Variants in NRG1 observed in about 807,000 individuals in gnomAD.
The protein encoded by NRG1 is neuregulin 1.
Under a neutral mutation model 63.8 loss-of-function variants are expected in NRG1, and 18 were observed. The ratio of observed to expected loss-of-function variants is 0.28; its 90% CI spans 0.19 to 0.42. The LOEUF (loss-of-function observed/expected upper bound fraction) is 0.42, where lower values mean the gene tolerates loss of function less well. Ranked by LOEUF, NRG1 falls within the 10% of genes least tolerant of loss-of-function variation. NRG1 has a pLI of 1.00. For missense variants in NRG1, 762 were observed against 814.7 expected (o/e 0.94, Z 0.79); for synonymous variants, 302 against 301.3 (o/e 1.00, Z -0.02).
intron 7 of NRG1, chr8:32,743,270 AT>A: frequency 2.1e-6 from 2 of 964,474 alleles, no homozygotes; most frequent in Non-Finnish European, 2.5e-6. Context: ...GCATTGAGGC[AT>A]TTTTTTAAAA....
chr8:32,655,624 A>G (rs1427748025), intron 5 of NRG1, among the ~76,000 whole-genome samples: 2 of 152,138 alleles, frequency 1.3e-5, no homozygotes, highest in African/African-American at 4.8e-5. Context: ...GGTCTGTAGG[A>G]CTTTACTAAT....
chr8:32,738,687 G>A (rs1021532585), intron 6 of NRG1, among the ~76,000 whole-genome samples: 2 of 152,188 alleles, frequency 1.3e-5, no homozygotes, highest in Admixed American at 6.5e-5. Context: ...TAATTCCACA[G>A]AATTTCACAG....
intron 2 of NRG1, 68 bp from the exon 3 acceptor site, chr8:32,605,494 A>G: frequency 1.9e-6 from 3 of 1,577,302 alleles, no homozygotes; most frequent in Non-Finnish European, 2.6e-6. Context: ...AAGCATAGAA[A>G]AGTATGTATT....
intron 1 of NRG1, among the ~76,000 whole-genome samples, chr8:31,777,639 T>C (rs924584712): frequency 9.9e-5 from 15 of 152,164 alleles, no homozygotes; most frequent in African/African-American, 3.1e-4. Flanking sequence ...GGCTTGGAGG[T>C]CTGCAGGCTA....
intron 5 of NRG1, among the ~76,000 whole-genome samples, chr8:32,620,692 C>T (rs1315343254): frequency 6.6e-6 from 1 of 151,832 alleles, no homozygotes; most frequent in African/African-American, 2.4e-5. Context: ...GGCTTGGTGG[C>T]AGCCCTGAAG....
chr8:31,904,765 C>G (rs1391087953), intron 1 of NRG1, among the ~76,000 whole-genome samples: 1 of 152,106 alleles, frequency 6.6e-6, no homozygotes, highest in Non-Finnish European at 1.5e-5. Flanking sequence ...TCTAAGCAAA[C>G]TAACACTGAA....
At chr8:32,348,964 G>A (rs954549089) in intron 1 of NRG1, among the ~76,000 whole-genome samples, 1 of 152,324 alleles carries the variant, frequency 6.6e-6, no homozygotes, top group South Asian at 2.1e-4. Context: ...TCTTAGCAGA[G>A]TGCACTTAGT....
chr8:32,390,845 T>G (rs1224651204), intron 1 of NRG1, among the ~76,000 whole-genome samples: 2 of 151,960 alleles, frequency 1.3e-5, no homozygotes, highest in African/African-American at 4.8e-5. Flanking sequence ...TGGACCTGAC[T>G]AAGCACCAAG....
intron 1 of NRG1, among the ~76,000 whole-genome samples, chr8:32,377,851 G>T (rs917195109): frequency 1.3e-5 from 2 of 152,088 alleles, no homozygotes; most frequent in African/African-American, 4.8e-5. Flanking sequence ...GTCCCTCTTG[G>T]AATTACTTTT....
chr8:31,678,865 C>T (rs1368607510), intron 1 of NRG1, among the ~76,000 whole-genome samples: 2 of 149,724 alleles, frequency 1.3e-5, no homozygotes, highest in African/African-American at 2.4e-5. Context: ...AAGGATATTA[C>T]TTTGGTAGTA....
chr8:32,236,403 G>A (rs528763504), intron 1 of NRG1, among the ~76,000 whole-genome samples: 13 of 152,000 alleles, frequency 8.6e-5, no homozygotes, highest in African/African-American at 1.9e-4. Flanking sequence ...CTCTAGAAAC[G>A]TGAAAAATAA....
intron 1 of NRG1, among the ~76,000 whole-genome samples, chr8:31,766,994 G>C (rs1434231307): frequency 6.6e-6 from 1 of 152,102 alleles, no homozygotes; most frequent in Non-Finnish European, 1.5e-5. Context: ...TGTTTTCATG[G>C]GTGAAGAGAG....
intron 1 of NRG1, among the ~76,000 whole-genome samples, chr8:31,690,496 T>C (rs888905516): frequency 1.1e-4 from 16 of 152,264 alleles, no homozygotes; most frequent in Non-Finnish European, 2.4e-4. Context: ...ACTGATCAAG[T>C]AACAGCAGGA....
intron 1 of NRG1, among the ~76,000 whole-genome samples, chr8:32,482,578 C>A (rs371686087): frequency 1.2e-4 from 18 of 152,182 alleles, no homozygotes; most frequent in Admixed American, 6.5e-5. Context: ...TCCAACCTCA[C>A]TCCCTTCATT....
intron 1 of NRG1, among the ~76,000 whole-genome samples, chr8:32,184,658 C>T (rs1351175675): frequency 6.6e-6 from 1 of 151,894 alleles, no homozygotes; most frequent in Non-Finnish European, 1.5e-5. Context: ...GAGCTAAAGA[C>T]ATTTTCCTTA....
chr8:31,747,015 G>C (rs1815942894), intron 1 of NRG1, among the ~76,000 whole-genome samples: 1 of 151,928 alleles, frequency 6.6e-6, no homozygotes, highest in African/African-American at 2.4e-5. Context: ...GGCTGGGAAG[G>C]GTAGTGGGGG....
intron 1 of NRG1, among the ~76,000 whole-genome samples, chr8:32,213,860 G>C (rs745589832): frequency 6.6e-6 from 1 of 152,166 alleles, no homozygotes; most frequent in Non-Finnish European, 1.5e-5. Flanking sequence ...GCACTCAGAC[G>C]TGAGTAACTC....
chr8:31,786,697 T>A (rs1291276087), intron 1 of NRG1, among the ~76,000 whole-genome samples: 1 of 152,182 alleles, frequency 6.6e-6, no homozygotes, highest in Non-Finnish European at 1.5e-5. Flanking sequence ...ACATTTACCA[T>A]TTACCAGTTT....
At chr8:32,533,212 C>T (rs920847732) in intron 1 of NRG1, among the ~76,000 whole-genome samples, 3 of 151,536 alleles carry the variant, frequency 2.0e-5, no homozygotes, top group Non-Finnish European at 1.5e-5. Flanking sequence ...CATTTGAAGA[C>T]GTCATTACCA....
Sources: allele counts gnomAD v4.1 joint callset (sites outside exome capture counted in the v4.1 genomes callset), GRCh38; gene constraint gnomAD v4.1.1; transcripts MANE v1.5; gene names NCBI Gene and HGNC (gene_info 2026-07-23, HGNC 2026-07-21).